Variants in RNF13 observed in about 807,000 individuals in gnomAD.
RNF13 encodes the protein ring finger protein 13, also known as E3 ubiquitin-protein ligase RNF13.
RNF13 carries 19 observed loss-of-function variants against 37.7 expected under a neutral mutation model. The observed-to-expected ratio is 0.50, with a 90% CI of 0.35 to 0.74. The LOEUF (loss-of-function observed/expected upper bound fraction) is 0.74. RNF13 is among the 30% of genes least tolerant of loss of function. RNF13 has a pLI of 0.01. For missense variants in RNF13, 375 were observed against 453.0 expected, an observed-to-expected ratio of 0.83 and a Z score of 1.56; for synonymous variants, 144 against 157.8, an observed-to-expected ratio of 0.91 and a Z score of 0.65.
intron 4 of RNF13, among the ~76,000 whole-genome samples, chr3:149,894,331 C>T (rs1715021115): frequency 6.6e-6 from 1 of 152,144 alleles, no homozygotes; most frequent in African/African-American, 2.4e-5. Context: ...ATGTAGACCT[C>T]ATTTCTCTTA....
intron 8 of RNF13, among the ~76,000 whole-genome samples, chr3:149,937,324 CG>C (rs1473503953): frequency 6.6e-6 from 1 of 152,060 alleles, no homozygotes; most frequent in East Asian, 1.9e-4. Context: ...GGATAGGAAC[CG>C]TAAGTCTTGG....
Position 149,920,384 on chromosome 3 carries a change from C to T in RNF13, c.607-750C>T, listed in dbSNP as rs956435776. ...CCAAGTAGCTGGAACTACAGGCACA[C>T]GGCAATGCGCCAGGCTAATTTTTTT... On this transcript the variant is annotated intron_variant, in intron 7 of 9. Coordinates refer to ENST00000392894, the MANE Select transcript of RNF13 (RefSeq NM_183381.3). Among the ~76,000 whole-genome samples, 7 of 151,934 alleles carry T rather than the reference C, an allele frequency of 4.6e-5. No individual in the cohort carries two copies. In the East Asian group the frequency reaches 5.8e-4, roughly 13 times the overall value.
intron 8 of RNF13, among the ~76,000 whole-genome samples, chr3:149,934,657 C>CTT (rs765637115): frequency 7.0e-6 from 1 of 143,408 alleles, no homozygotes; most frequent in Non-Finnish European, 1.5e-5. Flanking sequence ...TTCAAAGTTC[C>CTT]TTTTTTTTTT....
At chr3:149,946,656 GTCTTC>G (rs1317180355) in intron 8 of RNF13, among the ~76,000 whole-genome samples, 1 of 152,128 alleles carries the variant, frequency 6.6e-6, no homozygotes, top group Non-Finnish European at 1.5e-5. Flanking sequence ...TCAGTTGAAT[GTCTTC>G]TCTTTTATTT....
chr3:149,867,265 CTTTT>C (rs1159571067), intron 3 of RNF13, among the ~76,000 whole-genome samples: 1 of 148,102 alleles, frequency 6.8e-6, no homozygotes, highest in Non-Finnish European at 1.5e-5. Context: ...TTCCTTGTCT[CTTTT>C]TTTTTTCTTT....
intron 8 of RNF13, among the ~76,000 whole-genome samples, chr3:149,938,167 T>A (rs887371217): frequency 6.6e-6 from 1 of 151,296 alleles, no homozygotes; most frequent in African/African-American, 2.4e-5. Flanking sequence ...ATATATATAA[T>A]TTTTTAAAAT....
intron 8 of RNF13, among the ~76,000 whole-genome samples, chr3:149,922,138 T>G (rs1278143021): frequency 1.3e-5 from 2 of 152,158 alleles, no homozygotes; most frequent in Non-Finnish European, 2.9e-5. Context: ...TGCACCCAGC[T>G]AATTTTTGTA....
At chr3:149,827,116 A>G (rs1344207186) in intron 1 of RNF13, among the ~76,000 whole-genome samples, 2 of 152,176 alleles carry the variant, frequency 1.3e-5, no homozygotes, top group East Asian at 1.9e-4. Context: ...ATGGCTCTGT[A>G]TCTGTGGATT....
intron 3 of RNF13, among the ~76,000 whole-genome samples, chr3:149,860,154 T>C (rs1724069183): frequency 6.7e-6 from 1 of 150,348 alleles, no homozygotes; most frequent in African/African-American, 2.4e-5. Context: ...TAGTCCCAGC[T>C]ACTCAGGAGG....
At chr3:149,922,574 C>G (rs1392501941) in intron 8 of RNF13, among the ~76,000 whole-genome samples, 4 of 152,202 alleles carry the variant, frequency 2.6e-5, no homozygotes, top group Admixed American at 2.6e-4. Context: ...ACTACTCTCA[C>G]TTACCTTCCT....
chr3:149,949,534 C>T (rs1186778057), intron 8 of RNF13, among the ~76,000 whole-genome samples: 1 of 108,530 alleles, frequency 9.2e-6, no homozygotes, highest in African/African-American at 3.6e-5. Flanking sequence ...TAGATTTATT[C>T]TGGTTGGAAT....
intron 1 of RNF13, among the ~76,000 whole-genome samples, chr3:149,838,779 G>C (rs1721903659): frequency 6.6e-6 from 1 of 151,556 alleles, no homozygotes; most frequent in African/African-American, 2.4e-5. Flanking sequence ...ATTAACATTT[G>C]GCTCCTCGTT....
At chr3:149,825,325 G>A (rs925313953) in intron 1 of RNF13, among the ~76,000 whole-genome samples, 2 of 152,164 alleles carry the variant, frequency 1.3e-5, no homozygotes, top group East Asian at 3.9e-4. Flanking sequence ...CACCACGCCT[G>A]GCTAATTTTT....
chr3:149,954,899 C>T (rs1935642190), intron 8 of RNF13, among the ~76,000 whole-genome samples: 1 of 152,070 alleles, frequency 6.6e-6, no homozygotes, highest in Admixed American at 6.6e-5. Context: ...TTTCCTGTGT[C>T]ATTCAATTAA....
chr3:149,882,325 G>A (rs550744536), intron 4 of RNF13, among the ~76,000 whole-genome samples: 36 of 152,182 alleles, frequency 2.4e-4, no homozygotes, highest in Middle Eastern at 6.8e-3. Context: ...CAACAGATAC[G>A]AGGAAATTTT....
intron 1 of RNF13, among the ~76,000 whole-genome samples, chr3:149,821,187 A>G (rs1246420948): frequency 6.6e-6 from 1 of 152,188 alleles, no homozygotes; most frequent in African/African-American, 2.4e-5. Context: ...TATACCAAGA[A>G]TGGAATGCTG....
intron 4 of RNF13, among the ~76,000 whole-genome samples, chr3:149,881,340 T>G (rs1243265261): frequency 6.9e-6 from 1 of 145,908 alleles, no homozygotes; most frequent in Non-Finnish European, 1.5e-5. Context: ...AAGATCTTTG[T>G]TTTTTTTTGA....
chr3:149,931,302 A>T (rs1158562609), intron 8 of RNF13, among the ~76,000 whole-genome samples: 3 of 151,920 alleles, frequency 2.0e-5, no homozygotes, highest in Admixed American at 2.0e-4. Context: ...GCCTCAAGTG[A>T]TCCTCCCACT....
At chr3:149,946,504 G>A (rs1222603591) in intron 8 of RNF13, among the ~76,000 whole-genome samples, 2 of 152,104 alleles carry the variant, frequency 1.3e-5, no homozygotes, top group Non-Finnish European at 2.9e-5. Context: ...CTAGTTACAG[G>A]TATGTTCACA....
Sources: gnomAD v4.1 joint callset for allele counts (sites outside exome capture counted in the v4.1 genomes callset) on GRCh38, gnomAD v4.1.1 for gene constraint, MANE v1.5 for transcripts, NCBI Gene and HGNC (gene_info 2026-07-23, HGNC 2026-07-21) for gene names.